The following RSPH14 variants were observed in gnomAD, a reference collection of about 807,000 sequenced individuals.
RSPH14 encodes rhabdoid tumor deletion region gene 1.
RSPH14 carries 20 observed loss-of-function variants against 26.7 expected under a neutral mutation model. That is an observed-to-expected ratio of 0.75 (90% CI 0.53 to 1.09). The LOEUF (loss-of-function observed/expected upper bound fraction) is 1.09, where lower values mean the gene tolerates loss of function less well. RSPH14 is among the 50% of genes least tolerant of loss of function. The pLI is 0.00. For missense variants in RSPH14, 449 were observed against 457.2 expected, an observed-to-expected ratio of 0.98 and a Z score of 0.16; for synonymous variants, 177 against 189.3, an observed-to-expected ratio of 0.93 and a Z score of 0.53.
At chr22:23,096,822 G>C (rs1172986335) in intron 4 of RSPH14, among the ~76,000 whole-genome samples, 1 of 152,252 alleles carries the variant, frequency 6.6e-6, no homozygotes, top group Non-Finnish European at 1.5e-5. Flanking sequence ...ATGGGGTTAA[G>C]AGCTGTTTAG....
At chr22:23,123,507 C>A in intron 4 of RSPH14, 2 of 913,622 alleles carry the variant, frequency 2.2e-6, no homozygotes, top group South Asian at 1.6e-5. Flanking sequence ...TAGAGAGGCC[C>A]AATCCAGGGG....
At chr22:23,173,342 G>A in the RSPH14 span, among the ~76,000 whole-genome samples, 1 of 152,090 alleles carries the variant, frequency 6.6e-6, no homozygotes, top group Non-Finnish European at 1.5e-5. Context: ...CAACATGTTA[G>A]CCAGGATGAT....
rs950245472 is a variant in RSPH14 at position 23,123,940 on chromosome 22, G to T, written c.421+10086C>A. 7 of 209,934 alleles carry T rather than the reference G, an allele frequency of 3.3e-5. No individual in the cohort carries two copies. The Admixed American group carries it at 3.7e-4, about 11-fold the overall frequency. 13.0% of individuals were successfully genotyped at this position (209,934 alleles called of 1,614,324 possible). A position where few individuals can be genotyped will look rare whatever the true frequency, so the allele number is the denominator to read the frequency against. On this transcript the variant is annotated intron_variant, in intron 4 of 6. Transcript: ENST00000216036. ...AGTGCAGGGTCTGTGCACCTTCCCTGCTGGCCTGCACACAGCTGCTCAGCA... is the reference window on the plus strand; with the variant it reads ...AGTGCAGGGTCTGTGCACCTTCCCTTCTGGCCTGCACACAGCTGCTCAGCA...
At chr22:23,137,253 CA>C (rs2070498762) in intron 3 of RSPH14, among the ~76,000 whole-genome samples, 1 of 138,246 alleles carries the variant, frequency 7.2e-6, no homozygotes, top group African/African-American at 2.6e-5. Context: ...TCATCATGCT[CA>C]GCTAATTTTT....
chr22:23,129,288 G>A (rs1292580516), intron 4 of RSPH14, among the ~76,000 whole-genome samples: 5 of 152,124 alleles, frequency 3.3e-5, no homozygotes, highest in Non-Finnish European at 5.9e-5. Context: ...CATACCCGGT[G>A]TCCCAGGCCT....
In RSPH14 at chr22:23,059,608, C is replaced by T; in HGVS notation, c.901G>A (p.Glu301Lys). 6.2e-7 allele frequency: 1 copy of T among 1,613,378 alleles called. No individual in the cohort carries two copies. The highest frequency in any genetic ancestry group is 8.5e-7 in the Non-Finnish European group (1 of 1,179,714). ...NATKALTMLA[E>K]APEGRKALQT... ...AGGGCCTTGCGGCCCTCGGGGGCCT[C>T]TGCCAGCATGGTAAGGGCCTTGGTG... is the stretch of plus-strand genomic sequence containing the variant. Residue 301 changes from glutamate (E) to lysine (K), a missense_variant, in exon 7 of 7, where the codon GAG (glutamate) becomes AAG (lysine). By Grantham distance (56) the Glu-to-Lys change is moderately conservative. Coordinates refer to ENST00000216036, the MANE Select transcript of RSPH14 (RefSeq NM_014433.3).
At chr22:23,108,379 G>C (rs756691519) in intron 4 of RSPH14, among the ~76,000 whole-genome samples, 6 of 152,264 alleles carry the variant, frequency 3.9e-5, no homozygotes, top group Non-Finnish European at 7.3e-5. Flanking sequence ...CTTACTTCAA[G>C]TGAAGGAGTC....
intron 4 of RSPH14, among the ~76,000 whole-genome samples, chr22:23,111,774 G>A (rs1220202239): frequency 6.6e-6 from 1 of 152,194 alleles, no homozygotes; most frequent in Admixed American, 6.5e-5. Flanking sequence ...AAGCGGCCAG[G>A]CTCCACAGGG....
chr22:23,077,467 GAT>G (rs2068538231), intron 4 of RSPH14, among the ~76,000 whole-genome samples: 1 of 152,198 alleles, frequency 6.6e-6, no homozygotes, highest in Non-Finnish European at 1.5e-5. Context: ...CCTCCTCTTG[GAT>G]GTACACCTGA....
chr22:23,172,567 G>A, the RSPH14 span, among the ~76,000 whole-genome samples: 3 of 151,036 alleles, frequency 2.0e-5, no homozygotes, highest in South Asian at 2.1e-4. Context: ...AGCCAGGCGC[G>A]GTAGTGGGTG....
chr22:23,146,005 T>C, upstream of RSPH14: 4 of 985,384 alleles, frequency 4.1e-6, no homozygotes, highest in Non-Finnish European at 4.8e-6. Context: ...CTGCCTGAGC[T>C]GTGCCATGCC....
At chr22:23,083,343 G>C (rs757364232) in intron 4 of RSPH14, among the ~76,000 whole-genome samples, 3 of 152,124 alleles carry the variant, frequency 2.0e-5, no homozygotes, top group Non-Finnish European at 4.4e-5. Context: ...TCCAGGAGGA[G>C]GCCATGGGTC....
chr22:23,092,373 C>T (rs542841545), intron 4 of RSPH14, among the ~76,000 whole-genome samples: 10 of 152,262 alleles, frequency 6.6e-5, no homozygotes, highest in Non-Finnish European at 7.4e-5. Context: ...CGTGGTGCCC[C>T]TGCACAGGGC....
At chr22:23,135,516 ATAAATT>A (rs2070460415) in intron 3 of RSPH14, among the ~76,000 whole-genome samples, 2 of 130,356 alleles carry the variant, frequency 1.5e-5, no homozygotes, top group Admixed American at 7.7e-5. Flanking sequence ...ATAAATAAAT[ATAAATT>A]AATAAATAAA....
chr22:23,152,535 C>T, the RSPH14 span: 3 of 1,613,842 alleles, frequency 1.9e-6, no homozygotes, highest in Admixed American at 1.7e-5. Context: ...AGGTACAAGG[C>T]TTCCTCTGCC....
intron 4 of RSPH14, chr22:23,095,880 A>T: frequency 1.2e-6 from 2 of 1,613,732 alleles, no homozygotes; most frequent in Non-Finnish European, 1.7e-6. Flanking sequence ...GGCGGCTTCA[A>T]CCTGGAGGCC....
chr22:23,059,494 TC>T lies in RSPH14; in HGVS notation c.1014del (p.Ile339SerfsTer19), dbSNP rs748098917. ...TTGAACTCGATGACACTGATGGCGA[TC>T]CGGGCTGCCCGCTGTAAGGCTTCGG... The part of the protein sequence containing the change: ...QVAEALQRAA[R>X]IAISVIEFKP On this transcript the variant is annotated frameshift_variant, in exon 7 of 7. Transcript: ENST00000216036. LOFTEE classifies it high-confidence loss of function. 2.5e-6 allele frequency: 4 copies of T among 1,613,192 alleles called. No individual in the cohort carries two copies. In the African/African-American group the frequency reaches 4.0e-5, roughly 16 times the overall value.
In RSPH14 at chr22:23,140,448, A is replaced by G. The variant is rs372664816; in HGVS notation, c.-28T>C. 6.2e-7 allele frequency: 1 copy of G among 1,611,636 alleles called. No individual in the cohort carries two copies. The highest frequency in any genetic ancestry group is 8.5e-7 in the Non-Finnish European group (1 of 1,178,892). The stretch of plus-strand genomic sequence containing the variant: ...TTCCCCAACTACAGAGGCCTTTCCA[A>G]ATGAAGCTCTGCAGAAACCACTCAC... On this transcript the variant is annotated 5_prime_UTR_variant, in exon 2 of 7. Coordinates refer to ENST00000216036, the MANE Select transcript of RSPH14 (RefSeq NM_014433.3).
rs1199757798 is a variant in RSPH14, at chr22:23,096,071, G to A, written c.422-31938C>T. ...GGGCGAGATCACACCCGAGCTGCTGGGTGTCATGCGACGGCTCTGGGCCGA... is the reference window on the plus strand; with the variant it reads ...GGGCGAGATCACACCCGAGCTGCTGAGTGTCATGCGACGGCTCTGGGCCGA... On this transcript the variant is annotated intron_variant, in intron 4 of 6. Transcript: ENST00000216036. 1 of 1,608,488 alleles carries A rather than the reference G, an allele frequency of 6.2e-7. No individual in the cohort carries two copies. The highest frequency in any genetic ancestry group is 8.5e-7 in the Non-Finnish European group (1 of 1,179,954).
Sources: allele counts gnomAD v4.1 joint callset (sites outside exome capture counted in the v4.1 genomes callset), GRCh38; gene constraint gnomAD v4.1.1; transcripts MANE v1.5; gene names NCBI Gene and HGNC (gene_info 2026-07-23, HGNC 2026-07-21).